The following TTC6 variants were observed in gnomAD, a reference collection of about 807,000 sequenced individuals.
The protein encoded by TTC6 is tetratricopeptide repeat domain 6, also known as tetratricopeptide repeat protein 6.
A neutral mutation model predicts 210.4 loss-of-function variants in TTC6; 172 were observed. That is an observed-to-expected ratio of 0.82 (90% CI 0.72 to 0.93). The LOEUF (loss-of-function observed/expected upper bound fraction) is 0.93. Ranked by LOEUF, TTC6 falls within the 40% of genes least tolerant of loss-of-function variation. The probability of loss-of-function intolerance (pLI) is 0.00; values close to 1 mark genes in which losing one functional copy is unlikely to be tolerated. For missense variants in TTC6, 2,414 were observed against 2,318.1 expected (o/e 1.04, Z -0.85); for synonymous variants, 804 against 819.6 (o/e 0.98, Z 0.32).
chr14:37,799,201 A>AT (rs1036834213), intron 20 of TTC6, among the ~76,000 whole-genome samples: 8 of 151,966 alleles, frequency 5.3e-5, no homozygotes, highest in African/African-American at 1.2e-4. Context: ...TATTATTCCT[A>AT]TTTTTTCTCC....
intron 6 of TTC6, among the ~76,000 whole-genome samples, chr14:37,719,595 A>G (rs561118121): frequency 2.6e-5 from 4 of 152,276 alleles, no homozygotes; most frequent in East Asian, 3.9e-4. Context: ...AAATTATTCA[A>G]TGGTGTAGGA....
rs1003832805 is a variant in TTC6 at position 37,622,585 on chromosome 14, C to A, written c.521C>A (p.Ala174Asp). The A allele has an allele frequency of 2.6e-6, 4 of 1,534,130 alleles. No individual in the cohort carries two copies. The African/African-American group carries it at 5.5e-5, about 21-fold the overall frequency. The change falls in exon 1 of 31, where the codon GCT (alanine) becomes GAT (aspartate). Residue 174 changes from alanine (A) to aspartate (D), a missense_variant. Ala to Asp is a moderately radical substitution (Grantham distance 126, BLOSUM62 -2). Coordinates refer to ENST00000553443, the Ensembl canonical transcript of TTC6. Reference sequence around the variant, plus strand: ...GTCTTGGAGAGCTCGCGGCACGCGGCTCCCAGGCGGGTCTTCCACTTGGGA... The same window carrying A: ...GTCTTGGAGAGCTCGCGGCACGCGGATCCCAGGCGGGTCTTCCACTTGGGA...
At chr14:37,679,412 TAG>T (rs1037593173) in intron 1 of TTC6, among the ~76,000 whole-genome samples, 2 of 152,086 alleles carry the variant, frequency 1.3e-5, no homozygotes, top group Admixed American at 6.6e-5. Context: ...CTCAACTGAG[TAG>T]AGAGTATATC....
At chr14:37,687,901 T>A (rs1048917443) in intron 3 of TTC6, among the ~76,000 whole-genome samples, 2 of 151,946 alleles carry the variant, frequency 1.3e-5, no homozygotes, top group African/African-American at 4.8e-5. Flanking sequence ...GACCCCTGCT[T>A]GAGAAAAGTG....
At chr14:37,738,081 G>A (rs1485958248) in intron 9 of TTC6, among the ~76,000 whole-genome samples, 1 of 151,320 alleles carries the variant, frequency 6.6e-6, no homozygotes, top group African/African-American at 2.4e-5. Context: ...TCAATAGGCA[G>A]GAAATGCTAT....
chr14:37,840,523 CAG>C (rs1443023955), intron 29 of TTC6, among the ~76,000 whole-genome samples: 3 of 151,638 alleles, frequency 2.0e-5, no homozygotes, highest in Non-Finnish European at 4.4e-5. Context: ...CAAAACCTGG[CAG>C]AGACACAACA....
chr14:37,676,590 T>C (rs1458060698), intron 1 of TTC6, among the ~76,000 whole-genome samples: 3 of 152,114 alleles, frequency 2.0e-5, no homozygotes, highest in African/African-American at 7.2e-5. Flanking sequence ...GTCTATTTTT[T>C]CTTTGGTTGC....
At chr14:37,630,913 T>TG (rs2095668488) in intron 1 of TTC6, among the ~76,000 whole-genome samples, 1 of 42,174 alleles carries the variant, frequency 2.4e-5, no homozygotes, top group Non-Finnish European at 5.3e-5. Context: ...CCCTGTTTTT[T>TG]TTTTTTTTTT....
chr14:37,639,274 C>T lies in TTC6; in HGVS notation c.939+16271C>T, dbSNP rs993140900. Among the ~76,000 whole-genome samples, 6 of 152,146 alleles carry T rather than the reference C, an allele frequency of 3.9e-5. No homozygotes were observed. The East Asian group carries it at 9.6e-4, about 24-fold the overall frequency. The stretch of plus-strand genomic sequence containing the variant: ...CTACCAGGATCTGGGCAGAGAAAAG[C>T]AATCTGTGTTGTTTGAATGACACCA... On this transcript the variant is annotated intron_variant, in intron 1 of 30. Transcript: ENST00000553443.
chr14:37,643,557 AT>A (rs1353085696), intron 1 of TTC6, among the ~76,000 whole-genome samples: 1 of 151,972 alleles, frequency 6.6e-6, no homozygotes, highest in Non-Finnish European at 1.5e-5. Flanking sequence ...TCATCATCAG[AT>A]TTTTTTCAGT....
chr14:37,809,305 C>T (rs1951641), intron 24 of TTC6, among the ~76,000 whole-genome samples: 114,449 of 145,962 alleles, frequency 0.78, 45,274 homozygotes, highest in Non-Finnish European at 0.84. Context: ...CAGGCTGGAG[C>T]GCAGTGGCGT....
chr14:37,794,367 A>T (rs1282569519), intron 17 of TTC6, among the ~76,000 whole-genome samples: 1 of 152,120 alleles, frequency 6.6e-6, no homozygotes, highest in Non-Finnish European at 1.5e-5. Context: ...GCCTGCTTCC[A>T]TGCACAAATT....
At chr14:37,799,289 A>T (rs1019045479) in intron 20 of TTC6, among the ~76,000 whole-genome samples, 1 of 152,168 alleles carries the variant, frequency 6.6e-6, no homozygotes, top group African/African-American at 2.4e-5. Flanking sequence ...TATAAAAACT[A>T]AAAAAACTTT....
At chr14:37,831,950 T>C (rs953471207) in intron 29 of TTC6, among the ~76,000 whole-genome samples, 1 of 152,162 alleles carries the variant, frequency 6.6e-6, no homozygotes, top group East Asian at 1.9e-4. Flanking sequence ...TAAACCCACT[T>C]GTCTGTTTTT....
chr14:37,773,787 T>C (rs990032983), intron 14 of TTC6, among the ~76,000 whole-genome samples: 3 of 152,244 alleles, frequency 2.0e-5, no homozygotes, highest in Non-Finnish European at 2.9e-5. Flanking sequence ...TTTCTGATTC[T>C]GTGAAGAATC....
chr14:37,837,443 C>A, intron 29 of TTC6: 1 of 447,170 alleles, frequency 2.2e-6, no homozygotes, highest in South Asian at 1.6e-5. Flanking sequence ...TCAATTCTGT[C>A]CCCCCTCCCC....
chr14:37,790,346 A>C (rs1233235693), intron 15 of TTC6, among the ~76,000 whole-genome samples: 1 of 152,066 alleles, frequency 6.6e-6, no homozygotes, highest in Non-Finnish European at 1.5e-5. Flanking sequence ...CACCCTTCTG[A>C]CTGGAGTTGG....
At chr14:37,679,081 C>T (rs1041580377) in intron 1 of TTC6, among the ~76,000 whole-genome samples, 3 of 151,898 alleles carry the variant, frequency 2.0e-5, no homozygotes, top group African/African-American at 2.4e-5. Flanking sequence ...ATTAGTTGAG[C>T]GTTGTGGTAT....
In TTC6 at chr14:37,673,621, C is replaced by T. The variant is rs1247197447; in HGVS notation, c.940-6530C>T. On this transcript the variant is annotated intron_variant, in intron 1 of 30. Transcript: ENST00000553443. ...TGCCTAACAGGCCACAGGAACACTGCGGCTTCTGTTGCTGTCCATCTGCTT... is the reference window on the plus strand; with the variant it reads ...TGCCTAACAGGCCACAGGAACACTGTGGCTTCTGTTGCTGTCCATCTGCTT... Among the ~76,000 whole-genome samples the T allele has an allele frequency of 2.6e-5, 4 of 152,088 alleles. No homozygotes were observed. The East Asian group carries it at 5.8e-4, about 22-fold the overall frequency.
Sources: gnomAD v4.1 joint callset for allele counts (sites outside exome capture counted in the v4.1 genomes callset) on GRCh38, gnomAD v4.1.1 for gene constraint, MANE v1.5 for transcripts, NCBI Gene and HGNC (gene_info 2026-07-23, HGNC 2026-07-21) for gene names.